The following NRF1 variants were observed in gnomAD, a reference collection of about 807,000 sequenced individuals.
The protein encoded by NRF1 is nuclear respiratory factor 1.
Under a neutral mutation model 58.5 loss-of-function variants are expected in NRF1, and 5 were observed. That is an observed-to-expected ratio of 0.09 (90% confidence interval 0.04 to 0.18). The LOEUF (loss-of-function observed/expected upper bound fraction) is 0.18. NRF1 is among the 10% of genes least tolerant of loss of function. The pLI is 1.00. For missense variants in NRF1, 288 were observed against 657.7 expected (o/e 0.44, Z 6.15); for synonymous variants, 224 against 246.7 (o/e 0.91, Z 0.86).
At chr7:129,633,719 C>T (rs1294011223) in intron 1 of NRF1, 1 of 151,984 alleles carries the variant, frequency 6.6e-6, no homozygotes, top group East Asian at 1.9e-4. Context: ...CAGTCTTTTC[C>T]CACCACTGCT....
chr7:129,651,832 G>C (rs1363783448), intron 1 of NRF1, among the ~76,000 whole-genome samples: 1 of 152,046 alleles, frequency 6.6e-6, no homozygotes, highest in African/African-American at 2.4e-5. Context: ...ATATTCCCTT[G>C]GATATTCTGA....
intron 5 of NRF1, among the ~76,000 whole-genome samples, chr7:129,691,944 C>A (rs1022093372): frequency 6.6e-6 from 1 of 152,104 alleles, no homozygotes; most frequent in African/African-American, 2.4e-5. Context: ...CCAAACAGAA[C>A]CTTTGGTTGT....
At chr7:129,687,432 C>T (rs1440365034) in intron 4 of NRF1, among the ~76,000 whole-genome samples, 9 of 152,004 alleles carry the variant, frequency 5.9e-5, no homozygotes, top group African/African-American at 1.9e-4. Context: ...CCCACCACCA[C>T]GCCCAGCTAA....
chr7:129,747,238 T>C lies in NRF1; in HGVS notation c.1349-7780T>C, dbSNP rs188652199. On this transcript the variant is annotated intron_variant, in intron 10 of 10. Coordinates refer to ENST00000393232, the MANE Select transcript of NRF1 (RefSeq NM_005011.5). Reference sequence around the variant, plus strand: ...TTCTGCCTGGTTGCTTATTGACCAGTGCACTCGATTAGCAACCACTTCATC... The same window carrying C: ...TTCTGCCTGGTTGCTTATTGACCAGCGCACTCGATTAGCAACCACTTCATC... Among the ~76,000 whole-genome samples, 903 of 152,332 alleles carry C rather than the reference T, an allele frequency of 5.9e-3. 5 individuals carry two copies. The highest frequency in any genetic ancestry group is 0.027 in the Middle Eastern group (8 of 294).
At chr7:129,614,431 A>C (rs538830112) in intron 1 of NRF1, among the ~76,000 whole-genome samples, 1 of 66,684 alleles carries the variant, frequency 1.5e-5, no homozygotes, top group Admixed American at 1.5e-4. Context: ...ATTTTCTTAT[A>C]AAAATATGTA....
chr7:129,638,221 A>G (rs1331050659), intron 1 of NRF1, among the ~76,000 whole-genome samples: 1 of 152,080 alleles, frequency 6.6e-6, no homozygotes, highest in Non-Finnish European at 1.5e-5. Flanking sequence ...CAGTCAAGCT[A>G]CAGATACAGA....
rs6942392 is a variant in NRF1 at position 129,657,848 on chromosome 7, C to T, written c.223+274C>T. Among the ~76,000 whole-genome samples the T allele has an allele frequency of 1.7e-3, 257 of 152,146 alleles. 1 individual carries two copies. The highest frequency in any genetic ancestry group is 6.0e-3 in the African/African-American group (247 of 41,496). Reference sequence around the variant, plus strand: ...TTGGCCTCAAAGTCCTGGGCTCAAGCGATCCTTCTGCCTCGGCCTCCTAAA... The same window carrying T: ...TTGGCCTCAAAGTCCTGGGCTCAAGTGATCCTTCTGCCTCGGCCTCCTAAA... On this transcript the variant is annotated intron_variant, in intron 2 of 10. Transcript: ENST00000393232.
chr7:129,722,923 C>T (rs193036272), intron 9 of NRF1, among the ~76,000 whole-genome samples: 120 of 152,218 alleles, frequency 7.9e-4, no homozygotes, highest in Middle Eastern at 3.4e-3. Flanking sequence ...ACTGAGGTGA[C>T]CTATAAACAA....
At chr7:129,667,691 A>G (rs936392287) in intron 2 of NRF1, among the ~76,000 whole-genome samples, 14 of 151,610 alleles carry the variant, frequency 9.2e-5, no homozygotes, top group African/African-American at 2.7e-4. Context: ...AAAATATTCT[A>G]TAGTAGTTTA....
intron 4 of NRF1, among the ~76,000 whole-genome samples, chr7:129,681,376 A>G (rs554228069): frequency 1.3e-5 from 2 of 152,338 alleles, no homozygotes; most frequent in African/African-American, 2.4e-5. Context: ...AAACAAATAC[A>G]TATGGTGTGT....
chr7:129,703,231 A>T (rs1025262774), intron 5 of NRF1, among the ~76,000 whole-genome samples: 10 of 152,118 alleles, frequency 6.6e-5, no homozygotes, highest in African/African-American at 2.2e-4. Flanking sequence ...AAGCTAGAGT[A>T]CCTTAGGCCC....
chr7:129,752,468 T>C (rs770804845), intron 10 of NRF1, among the ~76,000 whole-genome samples: 19 of 152,298 alleles, frequency 1.2e-4, no homozygotes, highest in Admixed American at 4.6e-4. Flanking sequence ...TTGAAGACCA[T>C]GCTAAATCAT....
intron 5 of NRF1, among the ~76,000 whole-genome samples, chr7:129,706,483 A>G (rs983113256): frequency 2.0e-5 from 3 of 152,232 alleles, no homozygotes; most frequent in African/African-American, 4.8e-5. Context: ...TGGACTTGCA[A>G]TGTGTGACTA....
chr7:129,649,699 GA>G, intron 1 of NRF1, among the ~76,000 whole-genome samples: 1 of 51,356 alleles, frequency 1.9e-5, no homozygotes, highest in East Asian at 1.8e-3. Flanking sequence ...TTCTGTACCA[GA>G]GAGTACCCCT....
intron 10 of NRF1, among the ~76,000 whole-genome samples, chr7:129,739,372 A>G (rs907438355): frequency 6.6e-6 from 1 of 151,930 alleles, no homozygotes; most frequent in African/African-American, 2.4e-5. Flanking sequence ...GAACATGTCT[A>G]TCACTGAAGA....
In NRF1 at chr7:129,755,298, C is replaced by A; in HGVS notation, c.*117C>A. The A allele has an allele frequency of 2.6e-6, 2 of 764,882 alleles. No homozygotes were observed. Among genetic ancestry groups the A allele is most frequent in the Non-Finnish European group, 1.8e-6 (1 of 563,462 alleles). The allele number at this position is 764,882 out of a possible 1,614,324, so 47.4% of individuals were successfully genotyped here. A position where few individuals can be genotyped will look rare whatever the true frequency, so the allele number is the denominator to read the frequency against. Reference sequence around the variant, plus strand: ...ACTTTGGAAGGAAAGTTTTGTTAACCTTTTTTTTTTTAAAAGGAAGAAAGC... The same window carrying A: ...ACTTTGGAAGGAAAGTTTTGTTAACATTTTTTTTTTTAAAAGGAAGAAAGC... On this transcript the variant is annotated 3_prime_UTR_variant, in exon 11 of 11. Coordinates refer to ENST00000393232, the MANE Select transcript of NRF1 (RefSeq NM_005011.5). This position sits in a 1 kb window ranked among gnomAD's most constrained non-coding sequence, Gnocchi z 5.8.
chr7:129,744,989 A>T (rs1251302116), intron 10 of NRF1, among the ~76,000 whole-genome samples: 1 of 148,758 alleles, frequency 6.7e-6, no homozygotes, highest in East Asian at 2.0e-4. Flanking sequence ...ATTTTCCATC[A>T]TAAAAAGTTT....
chr7:129,736,258 A>G (rs1271318235), intron 10 of NRF1, among the ~76,000 whole-genome samples: 3 of 149,444 alleles, frequency 2.0e-5, no homozygotes, highest in Admixed American at 6.8e-5. Flanking sequence ...ATTTAATCTC[A>G]GCAATGCTCA....
chr7:129,740,348 C>T (rs1000977364), intron 10 of NRF1, among the ~76,000 whole-genome samples: 4 of 152,152 alleles, frequency 2.6e-5, no homozygotes, highest in African/African-American at 7.2e-5. Flanking sequence ...TCACTCACAC[C>T]GAATGGGAAG....
Sources: gnomAD v4.1 joint callset for allele counts (sites outside exome capture counted in the v4.1 genomes callset) on GRCh38, gnomAD v4.1.1 for gene constraint, Gnocchi (gnomAD v3.1) non-coding constraint, MANE v1.5 for transcripts, NCBI Gene and HGNC (gene_info 2026-07-23, HGNC 2026-07-21) for gene names.